The following SULT1B1 variants were observed in gnomAD, a reference collection of about 807,000 sequenced individuals.
SULT1B1 encodes the protein sulfotransferase family 1B member 1, also known as sulfotransferase 1B1.
A neutral mutation model predicts 34.6 loss-of-function variants in SULT1B1; 28 were observed. That is an observed-to-expected ratio of 0.81 (90% CI 0.60 to 1.11). SULT1B1 has a LOEUF of 1.11. SULT1B1 is among the 50% of genes least tolerant of loss of function. SULT1B1 has a pLI of 0.00. For missense variants in SULT1B1, 374 were observed against 352.2 expected, an observed-to-expected ratio of 1.06 and a Z score of -0.50; for synonymous variants, 147 against 110.2, an observed-to-expected ratio of 1.33 and a Z score of -2.09.
At chr4:69,739,974 A>G (rs1221912391) in intron 4 of SULT1B1, among the ~76,000 whole-genome samples, 1 of 152,220 alleles carries the variant, frequency 6.6e-6, no homozygotes, top group Non-Finnish European at 1.5e-5. Context: ...TATCACTATC[A>G]GCAGTTTGGT....
Position 69,732,960 on chromosome 4 carries a change from A to C in SULT1B1, c.597+453T>G, listed in dbSNP as rs138543515. ...GTTTAGTTTTGAGCATGTTAAATTT[A>C]ATACAAGCATGGGCTAGAAAATCGA... is the stretch of plus-strand genomic sequence containing the variant. On this transcript the variant is annotated intron_variant, in intron 6 of 7. Coordinates refer to ENST00000310613, the MANE Select transcript of SULT1B1 (RefSeq NM_014465.4). Among the ~76,000 whole-genome samples the C allele has an allele frequency of 1.3e-3, 201 of 152,238 alleles. 1 individual carries two copies. Among genetic ancestry groups the C allele is most frequent in the African/African-American group, 4.5e-3 (185 of 41,568 alleles).
chr4:69,756,345 T>C (rs1311777280), intron 1 of SULT1B1, among the ~76,000 whole-genome samples: 1 of 152,168 alleles, frequency 6.6e-6, no homozygotes, highest in Non-Finnish European at 1.5e-5. Flanking sequence ...GAAGCTGTCA[T>C]TGATAATTTT....
rs1265563691 is a variant in SULT1B1, at chr4:69,725,180, A to T, written c.*1908T>A. On this transcript the variant is annotated 3_prime_UTR_variant, in exon 8 of 8. Coordinates refer to ENST00000310613, the MANE Select transcript of SULT1B1 (RefSeq NM_014465.4). ...GAACTCAAACAAATTTACAAGAAAA[A>T]AAAAACAACCCCATCAACAAGTGTG... 2.6e-5 allele frequency: 4 copies of T among 152,124 alleles called. No individual in the cohort carries two copies. Among genetic ancestry groups the T allele is most frequent in the African/African-American group, 9.7e-5 (4 of 41,412 alleles). 9.4% of individuals were successfully genotyped at this position (152,124 alleles called of 1,614,324 possible).
intron 7 of SULT1B1, among the ~76,000 whole-genome samples, chr4:69,728,830 G>A (rs971622669): frequency 6.6e-6 from 1 of 151,994 alleles, no homozygotes; most frequent in Non-Finnish European, 1.5e-5. Flanking sequence ...TGCCAGTGAT[G>A]TAATCAGAGC....
In SULT1B1 at chr4:69,724,106, G is replaced by A. The variant is rs1177151303; in HGVS notation, c.*2982C>T. 1 of 152,188 alleles carries A rather than the reference G, an allele frequency of 6.6e-6. No individual in the cohort carries two copies. The highest frequency in any genetic ancestry group is 1.5e-5 in the Non-Finnish European group (1 of 68,044). 9.4% of individuals were successfully genotyped at this position (152,188 alleles called of 1,614,324 possible). On this transcript the variant is annotated 3_prime_UTR_variant, in exon 8 of 8. Transcript: ENST00000310613. ...AATTGTCCCTGTTTGCAGATGACATGATTGTATATGTAGAAAACCCCATTG... is the reference window on the plus strand; with the variant it reads ...AATTGTCCCTGTTTGCAGATGACATAATTGTATATGTAGAAAACCCCATTG...
chr4:69,753,347 T>C lies in SULT1B1; in HGVS notation c.277+1323A>G, dbSNP rs141277981. 1.3e-3 allele frequency among the ~76,000 whole-genome samples: 193 copies of C among 152,330 alleles called. 1 individual carries two copies. The highest frequency in any genetic ancestry group is 4.2e-3 in the African/African-American group (173 of 41,580). ...CACAAATATGTCTTATCTAGCATCC[T>C]CAATTCCACCTCTACCAAGCAACCT... On this transcript the variant is annotated intron_variant, in intron 3 of 7. Transcript: ENST00000310613.
At position 69,755,193 on chromosome 4, in the gene SULT1B1, G is replaced by T. The variant is rs145432692; in HGVS notation, c.25C>A (p.Arg9=). 1.6e-5 allele frequency: 26 copies of T among 1,613,520 alleles called. No homozygotes were observed. The highest frequency in any genetic ancestry group is 9.9e-5 in the South Asian group (9 of 91,066). The change falls in exon 2 of 8, where the codon CGA becomes AGA. Residue 9 remains arginine, a synonymous_variant. Coordinates refer to ENST00000310613, the MANE Select transcript of SULT1B1 (RefSeq NM_014465.4). Reference sequence around the variant, plus strand: ...CCATGGACCAACTTCAGATCTTTTCGCAGAATATCTTTTGGGGAAAGCATT... The same window carrying T: ...CCATGGACCAACTTCAGATCTTTTCTCAGAATATCTTTTGGGGAAAGCATT... MLSPKDIL[R]KDLKLVHGYP...
chr4:69,722,986 A>C lies in SULT1B1; in HGVS notation c.*4102T>G, dbSNP rs1412182742. 6.6e-6 allele frequency: 1 copy of C among 151,922 alleles called. No homozygotes were observed. The highest frequency in any genetic ancestry group is 2.4e-5 in the African/African-American group (1 of 41,402). 9.4% of individuals were successfully genotyped at this position (151,922 alleles called of 1,614,324 possible). On this transcript the variant is annotated 3_prime_UTR_variant, in exon 8 of 8. Transcript: ENST00000310613. The stretch of plus-strand genomic sequence containing the variant: ...AGACTTTGCTGCACATGGGGATATA[A>C]ACAACTACTTCTAATGCCAAGCTGG...
At chr4:69,743,513 C>T (rs1718631463) in intron 4 of SULT1B1, among the ~76,000 whole-genome samples, 1 of 152,202 alleles carries the variant, frequency 6.6e-6, no homozygotes, top group South Asian at 2.1e-4. Context: ...GGCTTCAGGC[C>T]CTCCCCAGCT....
intron 7 of SULT1B1, 84 bp downstream of exon 7, chr4:69,730,417 A>T: frequency 1.6e-6 from 2 of 1,274,250 alleles, no homozygotes; most frequent in Non-Finnish European, 2.2e-6. Context: ...TAAGAAACTT[A>T]GTAGAGATCA....
In SULT1B1 at chr4:69,735,954, T is replaced by C. The variant is rs564624025; in HGVS notation, c.376-1690A>G. ...TCACTAAAACAGCCACTGAAGATGATAGGAAAGACAGTCTTAGAATTGCTA... is the reference window on the plus strand; with the variant it reads ...TCACTAAAACAGCCACTGAAGATGACAGGAAAGACAGTCTTAGAATTGCTA... On this transcript the variant is annotated intron_variant, in intron 4 of 7. Transcript: ENST00000310613. 3.9e-5 allele frequency among the ~76,000 whole-genome samples: 6 copies of C among 152,220 alleles called. No individual in the cohort carries two copies. In the South Asian group the frequency reaches 1.0e-3, roughly 26 times the overall value.
intron 7 of SULT1B1, among the ~76,000 whole-genome samples, chr4:69,728,040 C>T (rs892797515): frequency 2.6e-5 from 4 of 151,856 alleles, no homozygotes; most frequent in Admixed American, 6.6e-5. Context: ...TATAGATATG[C>T]TTTTTTCCCT....
chr4:69,726,058 A>G lies in SULT1B1; in HGVS notation c.*1030T>C, dbSNP rs1578042248. The G allele has an allele frequency of 1.1e-5, 1 of 95,204 alleles. No individual in the cohort carries two copies. The highest frequency in any genetic ancestry group is 3.5e-4 in the South Asian group (1 of 2,894). 5.9% of individuals were successfully genotyped at this position (95,204 alleles called of 1,614,324 possible). Reference sequence around the variant, plus strand: ...CATATATATATATATATATATATATATATATATATATATATATATATATAA... The same window carrying G: ...CATATATATATATATATATATATATGTATATATATATATATATATATATAA... On this transcript the variant is annotated 3_prime_UTR_variant, in exon 8 of 8. Coordinates refer to ENST00000310613, the MANE Select transcript of SULT1B1 (RefSeq NM_014465.4).
rs1281058133 is a variant in SULT1B1, at chr4:69,734,131, C to T, written c.502+7G>A. The T allele has an allele frequency of 6.3e-7, 1 of 1,599,304 alleles. No homozygotes were observed. The highest frequency in any genetic ancestry group is 1.1e-5 in the South Asian group (1 of 88,094). On this transcript the variant is annotated splice_region_variant and intron_variant, in intron 5 of 7. Transcript: ENST00000310613. ...TACTTATCAATTTTAAGATAAAGTC[C>T]ACATACCTTTTCCAGTTAAGAATTT...
At chr4:69,750,637 G>A (rs1156992920) in intron 3 of SULT1B1, among the ~76,000 whole-genome samples, 1 of 152,174 alleles carries the variant, frequency 6.6e-6, no homozygotes, top group Non-Finnish European at 1.5e-5. Flanking sequence ...AATGTTCACA[G>A]TAATTCACTG....
chr4:69,727,435 G>A (rs1159777804), intron 7 of SULT1B1, among the ~76,000 whole-genome samples: 1 of 151,918 alleles, frequency 6.6e-6, no homozygotes, highest in African/African-American at 2.4e-5. Flanking sequence ...ATTTGAAGAG[G>A]CATTCTGAGA....
rs1717755732 is a variant in SULT1B1, at chr4:69,724,809, G to C, written c.*2279C>G. 1 of 152,172 alleles carries C rather than the reference G, an allele frequency of 6.6e-6. No homozygotes were observed. The highest frequency in any genetic ancestry group is 2.4e-5 in the African/African-American group (1 of 41,426). The allele number at this position is 152,172 out of a possible 1,614,324, so 9.4% of individuals were successfully genotyped here. Reference sequence around the variant, plus strand: ...TTAATAAATGGTGCTGGGAAAACTGGCTAGCCATATGTAGAAAGCAGAACC... The same window carrying C: ...TTAATAAATGGTGCTGGGAAAACTGCCTAGCCATATGTAGAAAGCAGAACC... On this transcript the variant is annotated 3_prime_UTR_variant, in exon 8 of 8. Coordinates refer to ENST00000310613, the MANE Select transcript of SULT1B1 (RefSeq NM_014465.4).
intron 5 of SULT1B1, among the ~76,000 whole-genome samples, chr4:69,733,817 A>T (rs1165974357): frequency 6.6e-6 from 1 of 152,160 alleles, no homozygotes; most frequent in African/African-American, 2.4e-5. Context: ...AGTACTATAA[A>T]TATGACATAT....
At chr4:69,734,319 A>G in intron 4 of SULT1B1, 55 bp from the exon 5 acceptor site, 4 of 1,570,574 alleles carry the variant, frequency 2.5e-6, no homozygotes, top group Non-Finnish European at 3.4e-6. Context: ...CATTTTGTTT[A>G]GGAAAAAATT....
Sources: allele counts gnomAD v4.1 joint callset (sites outside exome capture counted in the v4.1 genomes callset), GRCh38; gene constraint gnomAD v4.1.1; transcripts MANE v1.5; gene names NCBI Gene and HGNC (gene_info 2026-07-23, HGNC 2026-07-21).